Variants in NCAM2 observed in about 807,000 individuals in gnomAD.
The protein encoded by NCAM2 is N-CAM-2.
In NCAM2, 30 loss-of-function variants were observed where a neutral mutation model predicts 98.1. That is an observed-to-expected ratio of 0.31 (90% confidence interval 0.23 to 0.41). The LOEUF is 0.41. NCAM2 is among the 10% of genes least tolerant of loss of function. The pLI, the probability that NCAM2 is intolerant of heterozygous loss-of-function variation, is 1.00. For missense variants in NCAM2, 867 were observed against 1,005.8 expected, an observed-to-expected ratio of 0.86 and a Z score of 1.87; for synonymous variants, 368 against 342.4, an observed-to-expected ratio of 1.07 and a Z score of -0.83.
intron 1 of NCAM2, among the ~76,000 whole-genome samples, chr21:21,073,938 G>T (rs1003489743): frequency 5.9e-5 from 9 of 152,198 alleles, no homozygotes; most frequent in African/African-American, 1.4e-4. Context: ...GTGACTAGCA[G>T]AGGGTCAAAA....
intron 1 of NCAM2, among the ~76,000 whole-genome samples, chr21:21,071,718 C>T (rs781059818): frequency 1.3e-4 from 19 of 151,618 alleles, no homozygotes; most frequent in African/African-American, 3.4e-4. Context: ...TGGAAATTGA[C>T]GAAGTATAAT....
chr21:21,332,027 C>A (rs1265035481), intron 6 of NCAM2, among the ~76,000 whole-genome samples: 1 of 151,970 alleles, frequency 6.6e-6, no homozygotes, highest in African/African-American at 2.4e-5. Flanking sequence ...TTCAACCTCC[C>A]AAGTAGCTGC....
intron 15 of NCAM2, among the ~76,000 whole-genome samples, chr21:21,491,479 G>T (rs1986839811): frequency 6.6e-6 from 1 of 151,612 alleles, no homozygotes; most frequent in South Asian, 2.1e-4. Context: ...CTTATCCACT[G>T]CAAAGGTATG....
chr21:21,234,068 T>C (rs980442567), intron 1 of NCAM2, among the ~76,000 whole-genome samples: 5 of 151,864 alleles, frequency 3.3e-5, no homozygotes, highest in African/African-American at 1.2e-4. Flanking sequence ...ACAAAGAGTG[T>C]ATTTAAAATA....
intron 1 of NCAM2, among the ~76,000 whole-genome samples, chr21:21,027,328 G>A (rs2064571507): frequency 1.3e-5 from 2 of 152,254 alleles, no homozygotes; most frequent in Admixed American, 1.3e-4. Context: ...AGAGTCAACT[G>A]TTTACCAGTC....
intron 1 of NCAM2, among the ~76,000 whole-genome samples, chr21:21,183,979 T>G (rs1336132907): frequency 1.3e-5 from 2 of 152,166 alleles, no homozygotes; most frequent in Non-Finnish European, 2.9e-5. Flanking sequence ...TTAATCAGTT[T>G]ATGATCCTAA....
chr21:21,186,514 G>T (rs2068645277), intron 1 of NCAM2, among the ~76,000 whole-genome samples: 1 of 152,102 alleles, frequency 6.6e-6, no homozygotes, highest in African/African-American at 2.4e-5. Flanking sequence ...ATAAGAAACA[G>T]TTTAGTTATT....
intron 5 of NCAM2, among the ~76,000 whole-genome samples, chr21:21,320,026 T>A (rs1364997402): frequency 6.6e-6 from 1 of 152,184 alleles, no homozygotes; most frequent in Non-Finnish European, 1.5e-5. Flanking sequence ...GCTTCTACAG[T>A]CTGATGGTAC....
chr21:21,435,642 T>C (rs1402088460), intron 12 of NCAM2, among the ~76,000 whole-genome samples: 1 of 152,150 alleles, frequency 6.6e-6, no homozygotes, highest in East Asian at 1.9e-4. Context: ...AATGTTTTTT[T>C]CTTCTCTCTA....
chr21:21,034,649 A>G (rs1180734917), intron 1 of NCAM2, among the ~76,000 whole-genome samples: 2 of 152,256 alleles, frequency 1.3e-5, no homozygotes, highest in African/African-American at 4.8e-5. Context: ...TATTGAAAGA[A>G]ACTTAAGTTT....
chr21:21,205,886 C>T (rs998476721), intron 1 of NCAM2, among the ~76,000 whole-genome samples: 1 of 152,020 alleles, frequency 6.6e-6, no homozygotes, highest in Non-Finnish European at 1.5e-5. Flanking sequence ...GACTAGGTAG[C>T]TCTCTGTGGC....
intron 1 of NCAM2, among the ~76,000 whole-genome samples, chr21:21,218,497 A>G (rs973915353): frequency 6.6e-6 from 1 of 152,192 alleles, no homozygotes; most frequent in Non-Finnish European, 1.5e-5. Flanking sequence ...AAGATTGCCA[A>G]TGAATTATTA....
chr21:21,257,959 G>C (rs540812375), intron 1 of NCAM2, among the ~76,000 whole-genome samples: 1 of 152,334 alleles, frequency 6.6e-6, no homozygotes, highest in East Asian at 1.9e-4. Context: ...TAGGCTTGCA[G>C]TTATTGGGGA....
intron 5 of NCAM2, among the ~76,000 whole-genome samples, chr21:21,306,357 C>G (rs1219366007): frequency 6.6e-6 from 1 of 152,074 alleles, no homozygotes; most frequent in Non-Finnish European, 1.5e-5. Context: ...ATTTTAAGCT[C>G]TCTTATTATA....
At chr21:21,222,113 A>C (rs1568791561) in intron 1 of NCAM2, among the ~76,000 whole-genome samples, 2 of 152,306 alleles carry the variant, frequency 1.3e-5, no homozygotes, top group South Asian at 4.1e-4. Context: ...TGATGTACTG[A>C]ATATTTTAAG....
chr21:21,403,364 A>G (rs2076672229), intron 9 of NCAM2, among the ~76,000 whole-genome samples: 1 of 152,156 alleles, frequency 6.6e-6, no homozygotes, highest in Admixed American at 6.5e-5. Flanking sequence ...GTTGAGATGA[A>G]TACCTTGCAT....
At position 21,539,902 on chromosome 21, in the gene NCAM2, G is replaced by A. The variant is rs1482219982; in HGVS notation, c.*1945G>A. The A allele has an allele frequency of 6.6e-6, 1 of 152,088 alleles. No homozygotes were observed. Among genetic ancestry groups the A allele is most frequent in the Non-Finnish European group, 1.5e-5 (1 of 68,032 alleles). The allele number at this position is 152,088 out of a possible 1,614,324, so 9.4% of individuals were successfully genotyped here. On this transcript the variant is annotated 3_prime_UTR_variant, in exon 18 of 18. Transcript: ENST00000400546. ...ATCATCCAGTTTGCTTTATTTTGCT[G>A]TGTTTTATTTTGTTGTTTGTTTTGT...
At chr21:21,430,403 T>TATA (rs71195328) in intron 11 of NCAM2, among the ~76,000 whole-genome samples, 5 of 146,740 alleles carry the variant, frequency 3.4e-5, no homozygotes, top group African/African-American at 7.5e-5. Flanking sequence ...TTTATATATA[T>TATA]TAGCCCATTC....
At chr21:21,367,281 A>G (rs2075811216) in intron 8 of NCAM2, among the ~76,000 whole-genome samples, 1 of 152,046 alleles carries the variant, frequency 6.6e-6, no homozygotes, top group South Asian at 2.1e-4. Flanking sequence ...GTTTTGTTAC[A>G]TCGATATATT....
Sources: allele counts gnomAD v4.1 joint callset (sites outside exome capture counted in the v4.1 genomes callset), GRCh38; gene constraint gnomAD v4.1.1; transcripts MANE v1.5; gene names NCBI Gene and HGNC (gene_info 2026-07-23, HGNC 2026-07-21).